The following CNTNAP2 variants were observed in gnomAD, a reference collection of about 807,000 sequenced individuals.
CNTNAP2 encodes contactin-associated protein-like 2.
CNTNAP2 carries 98 observed loss-of-function variants against 155.2 expected under a neutral mutation model. The observed-to-expected ratio is 0.63, with a 90% CI of 0.54 to 0.75. The LOEUF (loss-of-function observed/expected upper bound fraction) is 0.75. CNTNAP2 is among the 30% of genes least tolerant of loss of function. The pLI, the probability that CNTNAP2 is intolerant of heterozygous loss-of-function variation, is 0.00. For missense variants in CNTNAP2, 1,727 were observed against 1,688.1 expected (o/e 1.02, Z -0.40); for synonymous variants, 651 against 631.2 (o/e 1.03, Z -0.47).
chr7:147,107,648 T>C (rs1800793001), intron 4 of CNTNAP2, among the ~76,000 whole-genome samples: 1 of 152,142 alleles, frequency 6.6e-6, no homozygotes, highest in East Asian at 1.9e-4. Flanking sequence ...AAAATTGTGG[T>C]GAAATATAAA....
intron 8 of CNTNAP2, among the ~76,000 whole-genome samples, chr7:147,208,568 A>G (rs1331772883): frequency 1.3e-5 from 2 of 152,064 alleles, no homozygotes; most frequent in African/African-American, 4.8e-5. Flanking sequence ...ACCTAGCTTA[A>G]TGAAGATTGA....
At chr7:147,836,395 T>C (rs1261823772) in intron 13 of CNTNAP2, among the ~76,000 whole-genome samples, 1 of 151,974 alleles carries the variant, frequency 6.6e-6, no homozygotes, top group Non-Finnish European at 1.5e-5. Flanking sequence ...TTCCAGAACA[T>C]GCTAGGACCC....
At chr7:148,218,245 G>T (rs377607422) in intron 19 of CNTNAP2, among the ~76,000 whole-genome samples, 93 of 152,288 alleles carry the variant, frequency 6.1e-4, no homozygotes, top group Middle Eastern at 3.4e-3. Flanking sequence ...ATTTTATCCT[G>T]ATTTATGATA....
intron 8 of CNTNAP2, among the ~76,000 whole-genome samples, chr7:147,194,193 G>T (rs1452340489): frequency 6.6e-6 from 1 of 151,954 alleles, no homozygotes; most frequent in African/African-American, 2.4e-5. Context: ...TTGGTTTTTG[G>T]TTCCTGTGTT....
chr7:147,789,408 C>A (rs1797787085), intron 13 of CNTNAP2, among the ~76,000 whole-genome samples: 1 of 152,192 alleles, frequency 6.6e-6, no homozygotes, highest in South Asian at 2.1e-4. Flanking sequence ...CTCCCCACTG[C>A]TCACAATTCT....
intron 18 of CNTNAP2, among the ~76,000 whole-genome samples, chr7:148,173,746 A>C (rs1390196360): frequency 6.6e-6 from 1 of 152,210 alleles, no homozygotes; most frequent in Non-Finnish European, 1.5e-5. Flanking sequence ...GAACACATTA[A>C]TTTTGCACTT....
At chr7:147,689,053 A>T (rs1796053208) in intron 13 of CNTNAP2, among the ~76,000 whole-genome samples, 1 of 152,188 alleles carries the variant, frequency 6.6e-6, no homozygotes, top group Non-Finnish European at 1.5e-5. Flanking sequence ...CCCTTGGGGA[A>T]AAACCAGTCC....
chr7:147,469,724 T>C (rs1220628329), intron 10 of CNTNAP2, among the ~76,000 whole-genome samples: 1 of 151,788 alleles, frequency 6.6e-6, no homozygotes, highest in Non-Finnish European at 1.5e-5. Flanking sequence ...TTCATCGTGT[T>C]AGCCAGGATG....
intron 13 of CNTNAP2, among the ~76,000 whole-genome samples, chr7:147,900,432 A>C (rs1200698374): frequency 6.6e-6 from 1 of 151,968 alleles, no homozygotes; most frequent in African/African-American, 2.4e-5. Context: ...CCCCCATGAG[A>C]AGACGTGCCT....
At chr7:146,359,885 T>A (rs995147577) in intron 1 of CNTNAP2, among the ~76,000 whole-genome samples, 3 of 152,180 alleles carry the variant, frequency 2.0e-5, no homozygotes, top group African/African-American at 7.2e-5. Context: ...ATAAATTCAG[T>A]GACTTTAATA....
intron 1 of CNTNAP2, among the ~76,000 whole-genome samples, chr7:146,657,701 A>G: frequency 6.6e-6 from 1 of 152,032 alleles, no homozygotes; most frequent in East Asian, 1.9e-4. Context: ...TATTTCTTAG[A>G]TCTAAGGTAC....
chr7:147,205,020 A>T (rs1175511269), intron 8 of CNTNAP2, among the ~76,000 whole-genome samples: 2 of 152,000 alleles, frequency 1.3e-5, no homozygotes, highest in Non-Finnish European at 2.9e-5. Context: ...ATGCTGTTTT[A>T]GTTACTATAG....
chr7:146,990,176 A>T (rs1174799316), intron 3 of CNTNAP2, among the ~76,000 whole-genome samples: 1 of 152,166 alleles, frequency 6.6e-6, no homozygotes, highest in Non-Finnish European at 1.5e-5. Flanking sequence ...CTTATGAGTA[A>T]CATCTTCCAT....
At chr7:146,311,628 A>AG in intron 1 of CNTNAP2, 1 of 147,564 alleles carries the variant, frequency 6.8e-6, no homozygotes, top group Non-Finnish European at 1.5e-5. Context: ...AAAAAAAAAA[A>AG]GAAAGAAAGA....
intron 21 of CNTNAP2, among the ~76,000 whole-genome samples, chr7:148,335,692 A>G (rs1485517005): frequency 6.6e-6 from 1 of 152,212 alleles, no homozygotes; most frequent in Non-Finnish European, 1.5e-5. Context: ...GAAATGCGGG[A>G]GAAAGCTGCC....
intron 2 of CNTNAP2, among the ~76,000 whole-genome samples, chr7:146,780,543 T>C (rs1048518144): frequency 1.3e-5 from 2 of 152,130 alleles, no homozygotes; most frequent in African/African-American, 2.4e-5. Flanking sequence ...TAGAATCTCA[T>C]TGTGGTTTGA....
At chr7:146,281,915 T>G (rs1800258265) in intron 1 of CNTNAP2, among the ~76,000 whole-genome samples, 1 of 152,224 alleles carries the variant, frequency 6.6e-6, no homozygotes, top group Non-Finnish European at 1.5e-5. Flanking sequence ...TAGTGTGCAG[T>G]GGCTGGTGAA....
At chr7:148,340,784 G>A (rs1490558072) in intron 21 of CNTNAP2, among the ~76,000 whole-genome samples, 5 of 152,186 alleles carry the variant, frequency 3.3e-5, no homozygotes, top group African/African-American at 9.7e-5. Flanking sequence ...ATTGAGAGGC[G>A]TCTCCACCTG....
At chr7:147,422,721 G>T (rs1797315762) in intron 10 of CNTNAP2, among the ~76,000 whole-genome samples, 1 of 152,148 alleles carries the variant, frequency 6.6e-6, no homozygotes, top group East Asian at 1.9e-4. Context: ...TTACATCGAG[G>T]ATCAATTTTA....
Sources: allele counts gnomAD v4.1 joint callset (sites outside exome capture counted in the v4.1 genomes callset), GRCh38; gene constraint gnomAD v4.1.1; transcripts MANE v1.5; gene names NCBI Gene and HGNC (gene_info 2026-07-23, HGNC 2026-07-21).